ACSBG2: variants seen among roughly 807,000 people sequenced by gnomAD.
The protein encoded by ACSBG2 is long-chain-fatty-acid--CoA ligase ACSBG2.
In ACSBG2, 62 loss-of-function variants were observed where a neutral mutation model predicts 74.7. That is an observed-to-expected ratio of 0.83 (90% CI 0.68 to 1.03). The LOEUF is 1.03. Ranked by LOEUF, ACSBG2 falls within the 50% of genes least tolerant of loss-of-function variation. The probability of loss-of-function intolerance (pLI) is 0.00; values close to 1 mark genes in which losing one functional copy is unlikely to be tolerated. For missense variants in ACSBG2, 730 were observed against 817.6 expected, an observed-to-expected ratio of 0.89 and a Z score of 1.31; for synonymous variants, 309 against 294.1, an observed-to-expected ratio of 1.05 and a Z score of -0.52.
intron 8 of ACSBG2, among the ~76,000 whole-genome samples, chr19:6,177,767 C>T (rs1462899358): frequency 1.3e-5 from 2 of 150,550 alleles, no homozygotes; most frequent in Admixed American, 1.3e-4. Flanking sequence ...CAGCTGGCTA[C>T]ATTCTCCTAG....
In ACSBG2 at chr19:6,135,919, G is replaced by A. The variant is rs978395375; in HGVS notation, c.-32+10G>A. On this transcript the variant is annotated intron_variant, in intron 1 of 14. Coordinates refer to ENST00000588485, the MANE Select transcript of ACSBG2 (RefSeq NM_030924.5). Reference sequence around the variant, plus strand: ...TCTTGAAGAGTGACAGGTGCCAGTGGTATGGGAGAAGGGCATGCGTTTTCT... The same window carrying A: ...TCTTGAAGAGTGACAGGTGCCAGTGATATGGGAGAAGGGCATGCGTTTTCT... 1 of 152,620 alleles carries A rather than the reference G, an allele frequency of 6.6e-6. No homozygotes were observed. The highest frequency in any genetic ancestry group is 1.9e-4 in the East Asian group (1 of 5,196). The allele number at this position is 152,620 out of a possible 1,614,324, so 9.5% of individuals were successfully genotyped here. A position where few individuals can be genotyped will look rare whatever the true frequency, so the allele number is the denominator to read the frequency against.
intron 3 of ACSBG2, among the ~76,000 whole-genome samples, chr19:6,149,332 C>T (rs2089152734): frequency 6.6e-6 from 1 of 152,058 alleles, no homozygotes; most frequent in East Asian, 1.9e-4. Context: ...CCCCCAAGAA[C>T]AGCAGATCAT....
In ACSBG2 at chr19:6,180,902, A is replaced by C. The variant is rs1023295291; in HGVS notation, c.907-1849A>C. Among the ~76,000 whole-genome samples, 1 of 152,158 alleles carries C rather than the reference A, an allele frequency of 6.6e-6. No individual in the cohort carries two copies. The highest frequency in any genetic ancestry group is 2.4e-5 in the African/African-American group (1 of 41,428). The stretch of plus-strand genomic sequence containing the variant: ...TCTTTCTGTGCTAGCATGACTAGTA[A>C]AAAGAAAAGTAAAAGCCAGGCACGG... On this transcript the variant is annotated intron_variant, in intron 8 of 14. Transcript: ENST00000588485. This position sits in a 1 kb window ranked among gnomAD's most constrained non-coding sequence, Gnocchi z 4.3.
chr19:6,170,862 C>G (rs1267469146), intron 7 of ACSBG2, among the ~76,000 whole-genome samples: 5 of 152,102 alleles, frequency 3.3e-5, no homozygotes, highest in African/African-American at 1.2e-4. Context: ...GTATGGCTAT[C>G]TCTTAAGTCT....
intron 5 of ACSBG2, among the ~76,000 whole-genome samples, chr19:6,160,032 T>C (rs930014471): frequency 6.6e-6 from 1 of 152,152 alleles, no homozygotes; most frequent in Admixed American, 6.5e-5. Flanking sequence ...AACTTTTTCA[T>C]TGGATTGGCT....
In ACSBG2 at chr19:6,187,732, A is replaced by G. The variant is rs2090451421; in HGVS notation, c.1814A>G (p.Lys605Arg). The G allele has an allele frequency of 1.2e-6, 2 of 1,614,156 alleles. No homozygotes were observed. The highest frequency in any genetic ancestry group is 1.1e-5 in the South Asian group (1 of 91,070). ...AAGCAGCAAGACCCCCTGGTCTACA[A>G]GGCCATCCAGCAAGGCATCAATGCT... is the stretch of plus-strand genomic sequence containing the variant. ...IVKQQDPLVY[K>R]AIQQGINAVN... The change falls in exon 13 of 15, where the codon AAG (lysine) becomes AGG (arginine). Residue 605 changes from lysine (K) to arginine (R), a missense_variant. Transcript: ENST00000588485.
chr19:6,156,529 A>T lies in ACSBG2; in HGVS notation c.485A>T (p.Gln162Leu). The change falls in exon 5 of 15, where the codon CAA (glutamine) becomes CTA (leucine). Residue 162 changes from glutamine (Q) to leucine (L), a missense_variant. Gln to Leu is a moderately radical substitution (Grantham distance 113). Coordinates refer to ENST00000588485, the MANE Select transcript of ACSBG2 (RefSeq NM_030924.5). ...KVNILLVEND[Q>L]QLQKILSIPQ... Reference sequence around the variant, plus strand: ...AACATCTTGCTGGTTGAGAATGATCAACAGTTACAGAAAATCCTTTCGGTA... The same window carrying T: ...AACATCTTGCTGGTTGAGAATGATCTACAGTTACAGAAAATCCTTTCGGTA... The T allele has an allele frequency of 6.3e-7, 1 of 1,585,792 alleles. No homozygotes were observed. The highest frequency in any genetic ancestry group is 8.6e-7 in the Non-Finnish European group (1 of 1,165,250).
At chr19:6,144,028 C>T (rs1342034233) in intron 2 of ACSBG2, among the ~76,000 whole-genome samples, 2 of 152,042 alleles carry the variant, frequency 1.3e-5, no homozygotes, top group East Asian at 3.9e-4. Flanking sequence ...GATGGAGTCT[C>T]GCTCTGTTGC....
rs746922469 is a variant in ACSBG2 at position 6,154,432 on chromosome 19, G to GAGAGAGAA, written c.387-1998_387-1997insGAGAGAAA. Among the ~76,000 whole-genome samples, 19 of 139,112 alleles carry GAGAGAGAA rather than the reference G, an allele frequency of 1.4e-4. 1 individual carries two copies. Among genetic ancestry groups the GAGAGAGAA allele is most frequent in the Admixed American group, 5.8e-4 (8 of 13,812 alleles). The allele number at this position is 139,112 out of a possible 152,430, so 91.3% of individuals were successfully genotyped here. On this transcript the variant is annotated intron_variant, in intron 4 of 14. Coordinates refer to ENST00000588485, the MANE Select transcript of ACSBG2 (RefSeq NM_030924.5). Reference sequence around the variant, plus strand: ...AGAGAGAGAGAGAGAGAGAGAGAGAGAAAATTATTATTATATATATAAAAT... The same window carrying GAGAGAGAA: ...AGAGAGAGAGAGAGAGAGAGAGAGAGAGAGAGAAAAAATTATTATTATATATATAAAAT...
chr19:6,191,935 C>T (rs2090572518), intron 14 of ACSBG2: 1 of 152,032 alleles, frequency 6.6e-6, no homozygotes, highest in Non-Finnish European at 1.5e-5. Context: ...AACCATTGGA[C>T]ATTGATGTGG....
intron 2 of ACSBG2, among the ~76,000 whole-genome samples, chr19:6,147,239 CTA>C (rs1255596543): frequency 6.6e-6 from 1 of 152,064 alleles, no homozygotes. Flanking sequence ...ATCCTTTTGA[CTA>C]TTAAAATTTG....
intron 13 of ACSBG2, among the ~76,000 whole-genome samples, chr19:6,188,886 T>A (rs2090477508): frequency 6.6e-6 from 1 of 152,222 alleles, no homozygotes; most frequent in Non-Finnish European, 1.5e-5. Flanking sequence ...TGGGCATCAG[T>A]AGTTTCACTG....
chr19:6,154,238 A>C (rs1015107856), intron 4 of ACSBG2, among the ~76,000 whole-genome samples: 19 of 150,838 alleles, frequency 1.3e-4, no homozygotes, highest in South Asian at 8.4e-4. Context: ...ACTAAAAAAA[A>C]CCCCAAAAAA....
rs745814980 is a variant in ACSBG2 at position 6,187,766 on chromosome 19, G to C, written c.1848G>C (p.Gln616His). 4 of 1,614,076 alleles carry C rather than the reference G, an allele frequency of 2.5e-6. No individual in the cohort carries two copies. The highest frequency in any genetic ancestry group is 1.6e-4 in the Middle Eastern group (1 of 6,084). ...AIQQGINAVN[Q>H]EAMNNAQRIE... Reference sequence around the variant, plus strand: ...AGCAAGGCATCAATGCTGTGAACCAGGAAGCCATGAACAATGCACAGAGGA... The same window carrying C: ...AGCAAGGCATCAATGCTGTGAACCACGAAGCCATGAACAATGCACAGAGGA... Residue 616 changes from glutamine to histidine, a missense_variant, in exon 13 of 15, where the codon CAG becomes CAC. Coordinates refer to ENST00000588485, the MANE Select transcript of ACSBG2 (RefSeq NM_030924.5).
chr19:6,191,163 C>T (rs978643249), intron 14 of ACSBG2: 13 of 154,446 alleles, frequency 8.4e-5, no homozygotes, highest in Non-Finnish European at 1.9e-4. Flanking sequence ...CACTATCCAC[C>T]GTTTATCCTC....
Position 6,161,313 on chromosome 19 carries a change from G to C in ACSBG2, c.588+18G>C, listed in dbSNP as rs755791802. The C allele has an allele frequency of 3.1e-6, 5 of 1,608,884 alleles. No homozygotes were observed. Among genetic ancestry groups the C allele is most frequent in the Non-Finnish European group, 3.4e-6 (4 of 1,175,902 alleles). On this transcript the variant is annotated intron_variant, in intron 6 of 14. Transcript: ENST00000588485. Reference sequence around the variant, plus strand: ...TGTACTCTGTAAGTGTGGGAGGTGGGCACTGGGGAAAGGGGAGGGCGGGGC... The same window carrying C: ...TGTACTCTGTAAGTGTGGGAGGTGGCCACTGGGGAAAGGGGAGGGCGGGGC...
intron 4 of ACSBG2, among the ~76,000 whole-genome samples, chr19:6,154,433 A>AGAGAGAT: frequency 2.1e-5 from 1 of 47,816 alleles, no homozygotes; most frequent in Non-Finnish European, 6.4e-5. Flanking sequence ...AGAGAGAGAG[A>AGAGAGAT]AAATTATTAT....
chr19:6,161,761 C>G (rs183173163), intron 6 of ACSBG2, among the ~76,000 whole-genome samples: 1 of 151,854 alleles, frequency 6.6e-6, no homozygotes, highest in Non-Finnish European at 1.5e-5. Context: ...AGGACGTAGG[C>G]GGGACCTTTG....
chr19:6,162,960 T>C (rs1392043842), intron 6 of ACSBG2, among the ~76,000 whole-genome samples: 26 of 151,862 alleles, frequency 1.7e-4, no homozygotes, highest in Admixed American at 1.6e-3. Flanking sequence ...CATCTACTCC[T>C]CTGCAAGGGA....
Sources: gnomAD v4.1 joint callset for allele counts (sites outside exome capture counted in the v4.1 genomes callset) on GRCh38, gnomAD v4.1.1 for gene constraint, Gnocchi (gnomAD v3.1) non-coding constraint, MANE v1.5 for transcripts, NCBI Gene and HGNC (gene_info 2026-07-23, HGNC 2026-07-21) for gene names.